The following PTPRD variants were observed in gnomAD, a reference collection of about 807,000 sequenced individuals.
PTPRD encodes the protein receptor-type tyrosine-protein phosphatase delta.
Under a neutral mutation model 214.5 loss-of-function variants are expected in PTPRD, and 34 were observed. The observed-to-expected ratio is 0.16, with a 90% CI of 0.12 to 0.21. The LOEUF (loss-of-function observed/expected upper bound fraction) is 0.21, where lower values mean the gene tolerates loss of function less well. Among genes scored for constraint, PTPRD ranks in the 10% least tolerant of loss-of-function variants. PTPRD has a pLI of 1.00. For missense variants in PTPRD, 2,545 were observed against 2,398.7 expected, an observed-to-expected ratio of 1.06 and a Z score of -1.27; for synonymous variants, 1,128 against 845.7, an observed-to-expected ratio of 1.33 and a Z score of -5.79.
chr9:9,111,394 G>A (rs1591795760), intron 10 of PTPRD, among the ~76,000 whole-genome samples: 2 of 151,392 alleles, frequency 1.3e-5, no homozygotes. Context: ...TCTTCTGATC[G>A]CCGCCTTCCT....
chr9:9,124,076 C>T lies in PTPRD; in HGVS notation c.-143+59228G>A, dbSNP rs556572251. Among the ~76,000 whole-genome samples, 372 of 152,224 alleles carry T rather than the reference C, an allele frequency of 2.4e-3. 1 individual carries two copies. Among genetic ancestry groups the T allele is most frequent in the African/African-American group, 8.4e-3 (348 of 41,522 alleles). On this transcript the variant is annotated intron_variant, in intron 10 of 45. Coordinates refer to ENST00000381196, the MANE Select transcript of PTPRD (RefSeq NM_002839.4). ...AAGTTAATACCACTAGTAAGCAAGG[C>T]ATCAAGCAATCATGGATATAATTAC... is the stretch of plus-strand genomic sequence containing the variant.
chr9:10,266,720 G>T (rs1244687575), intron 3 of PTPRD, among the ~76,000 whole-genome samples: 1 of 151,958 alleles, frequency 6.6e-6, no homozygotes, highest in Non-Finnish European at 1.5e-5. Context: ...AGCGAGAATA[G>T]CACTGCATTG....
intron 5 of PTPRD, among the ~76,000 whole-genome samples, chr9:9,892,464 A>G (rs910257924): frequency 1.3e-5 from 2 of 152,112 alleles, no homozygotes; most frequent in African/African-American, 4.8e-5. Flanking sequence ...AGCCAGACGG[A>G]AAGTAAAAGT....
At chr9:9,017,200 G>A (rs145289670) in intron 11 of PTPRD, among the ~76,000 whole-genome samples, 39 of 152,048 alleles carry the variant, frequency 2.6e-4, no homozygotes, top group African/African-American at 8.4e-4. Flanking sequence ...AACCATAAAC[G>A]AACAACCATA....
chr9:8,543,861 G>A (rs1424205238), intron 14 of PTPRD, among the ~76,000 whole-genome samples: 1 of 151,682 alleles, frequency 6.6e-6, no homozygotes, highest in East Asian at 2.0e-4. Context: ...ACAGCTGCGT[G>A]CCACAACACC....
chr9:8,971,050 AAT>A (rs2154332012), intron 11 of PTPRD, among the ~76,000 whole-genome samples: 1 of 149,298 alleles, frequency 6.7e-6, no homozygotes, highest in East Asian at 1.9e-4. Context: ...CAAAGAAACA[AAT>A]ATCAAACTGT....
chr9:10,100,034 G>C (rs2098536597), intron 3 of PTPRD, among the ~76,000 whole-genome samples: 1 of 151,640 alleles, frequency 6.6e-6, no homozygotes, highest in Non-Finnish European at 1.5e-5. Flanking sequence ...TGTTTTCGGT[G>C]TGAGTATGCA....
intron 2 of PTPRD, among the ~76,000 whole-genome samples, chr9:10,426,681 T>TTCTC (rs1388474415): frequency 2.6e-5 from 4 of 152,208 alleles, no homozygotes; most frequent in African/African-American, 9.6e-5. Context: ...AAGGGCCAAC[T>TTCTC]TCTCGGATGC....
intron 2 of PTPRD, among the ~76,000 whole-genome samples, chr9:10,449,421 T>C (rs1014006908): frequency 3.3e-5 from 5 of 151,740 alleles, no homozygotes; most frequent in African/African-American, 1.2e-4. Context: ...TGCCTTGGCC[T>C]CCCAAAGTAC....
chr9:10,532,019 T>G (rs1474559785), intron 2 of PTPRD: 1 of 152,162 alleles, frequency 6.6e-6, no homozygotes, highest in Non-Finnish European at 1.5e-5. Context: ...ATTTTAAAAT[T>G]ACTCTCCCAC....
rs186289491 is a variant in PTPRD at position 8,735,048 on chromosome 9, T to C, written c.-103-1102A>G. Among the ~76,000 whole-genome samples the C allele has an allele frequency of 3.5e-3, 529 of 152,008 alleles. 6 individuals carry two copies. The highest frequency in any genetic ancestry group is 2.2e-3 in the Non-Finnish European group (150 of 68,000). ...GCACGGGGCCCCCTGGAAGCCTTCT[T>C]AGAACAGATGCGTGAGTACTACCAT... On this transcript the variant is annotated intron_variant, in intron 11 of 45. Coordinates refer to ENST00000381196, the MANE Select transcript of PTPRD (RefSeq NM_002839.4).
chr9:10,607,562 G>C (rs1264746275), intron 2 of PTPRD, among the ~76,000 whole-genome samples: 1 of 151,700 alleles, frequency 6.6e-6, no homozygotes, highest in African/African-American at 2.4e-5. Context: ...AAAAAAATAA[G>C]TATAGCATGA....
At chr9:8,399,091 C>G (rs1478079602) in intron 36 of PTPRD, among the ~76,000 whole-genome samples, 7 of 58,150 alleles carry the variant, frequency 1.2e-4, no homozygotes, top group Non-Finnish European at 2.2e-4. Flanking sequence ...AATAAGCCCA[C>G]TAAGCTTTTT....
At chr9:8,830,030 A>G (rs1353095134) in intron 11 of PTPRD, among the ~76,000 whole-genome samples, 1 of 152,136 alleles carries the variant, frequency 6.6e-6, no homozygotes, top group Non-Finnish European at 1.5e-5. Context: ...TTAAATACCA[A>G]AGTTTGAATC....
intron 11 of PTPRD, among the ~76,000 whole-genome samples, chr9:8,935,657 G>A (rs7857102): frequency 0.5 from 76,501 of 151,710 alleles, 19,547 homozygotes; most frequent in Non-Finnish European, 0.53. Flanking sequence ...CTGAACGTGT[G>A]CAGTTTGCTT....
chr9:9,864,930 A>G (rs1011504643), intron 5 of PTPRD, among the ~76,000 whole-genome samples: 1 of 152,170 alleles, frequency 6.6e-6, no homozygotes, highest in Non-Finnish European at 1.5e-5. Context: ...AAATTATAAA[A>G]TAATGATTTT....
intron 30 of PTPRD, among the ~76,000 whole-genome samples, chr9:8,481,949 ATTG>A (rs771270351): frequency 5.9e-5 from 9 of 151,660 alleles, no homozygotes; most frequent in Non-Finnish European, 1.3e-4. Context: ...TGCCCGGCTA[ATTG>A]TTGTATTTTC....
chr9:9,418,220 A>G (rs2077553555), intron 8 of PTPRD, among the ~76,000 whole-genome samples: 2 of 152,008 alleles, frequency 1.3e-5, no homozygotes, highest in Admixed American at 6.6e-5. Flanking sequence ...GAAATGCTCA[A>G]TGATGTATTT....
chr9:9,427,651 G>T (rs1026440547), intron 8 of PTPRD, among the ~76,000 whole-genome samples: 9 of 152,262 alleles, frequency 5.9e-5, no homozygotes, highest in African/African-American at 2.2e-4. Context: ...AATGTTAAGG[G>T]CAGCCAGAGA....
Sources: gnomAD v4.1 joint callset for allele counts (sites outside exome capture counted in the v4.1 genomes callset) on GRCh38, gnomAD v4.1.1 for gene constraint, MANE v1.5 for transcripts, NCBI Gene and HGNC (gene_info 2026-07-23, HGNC 2026-07-21) for gene names.